ADGRL2: variants seen among roughly 807,000 people sequenced by gnomAD.
ADGRL2 encodes the protein calcium-independent alpha-latrotoxin receptor 2.
ADGRL2 carries 44 observed loss-of-function variants against 157.4 expected under a neutral mutation model. The ratio of observed to expected loss-of-function variants is 0.28; its 90% CI spans 0.22 to 0.36. ADGRL2 has a LOEUF of 0.36. Ranked by LOEUF, ADGRL2 falls within the 10% of genes least tolerant of loss-of-function variation. The pLI, the probability that ADGRL2 is intolerant of heterozygous loss-of-function variation, is 1.00. For missense variants in ADGRL2, 1,510 were observed against 1,768.9 expected (o/e 0.85, Z 2.63); for synonymous variants, 585 against 624.7 (o/e 0.94, Z 0.95).
intron 1 of ADGRL2, among the ~76,000 whole-genome samples, chr1:81,307,200 G>T (rs1042078608): frequency 5.9e-5 from 9 of 152,136 alleles, no homozygotes; most frequent in Admixed American, 5.9e-4. Flanking sequence ...CTGAATGTTT[G>T]TATAACACTG....
intron 18 of ADGRL2, chr1:81,980,839 G>A (rs371915190): frequency 9.9e-6 from 7 of 707,704 alleles, no homozygotes; most frequent in Non-Finnish European, 1.9e-5. Flanking sequence ...GACTTACCTG[G>A]GTAAGGTAGA....
At chr1:81,870,922 T>G (rs2093673916) in intron 2 of ADGRL2, among the ~76,000 whole-genome samples, 1 of 149,094 alleles carries the variant, frequency 6.7e-6, no homozygotes, top group Non-Finnish European at 1.5e-5. Context: ...TTTTTTTTTT[T>G]GAAGATTTTT....
chr1:81,368,285 T>C (rs2076101350), intron 1 of ADGRL2, among the ~76,000 whole-genome samples: 1 of 152,206 alleles, frequency 6.6e-6, no homozygotes, highest in South Asian at 2.1e-4. Context: ...ACCAGTGATG[T>C]TGATCTTTTT....
chr1:81,746,884 A>T (rs957285632), intron 1 of ADGRL2, among the ~76,000 whole-genome samples: 1 of 150,564 alleles, frequency 6.6e-6, no homozygotes, highest in Non-Finnish European at 1.5e-5. Flanking sequence ...ACACACGTGC[A>T]CACGTATACA....
rs371775313 is a variant in ADGRL2 at position 81,748,743 on chromosome 1, G to T, written c.-142-13068G>T. Among the ~76,000 whole-genome samples, 5 of 151,616 alleles carry T rather than the reference G, an allele frequency of 3.3e-5. No individual in the cohort carries two copies. The South Asian group carries it at 1.0e-3, about 32-fold the overall frequency. ...GGTGCAGTGGCATGATCTCGGCTCA[G>T]TGCAACCTCCACCTCCCGGGTTCAA... On this transcript the variant is annotated intron_variant, in intron 1 of 20. Transcript: ENST00000359929.
chr1:81,600,207 G>C (rs1400573427), intron 3 of ADGRL2, among the ~76,000 whole-genome samples: 1 of 152,184 alleles, frequency 6.6e-6, no homozygotes. Flanking sequence ...TACCATTAAA[G>C]GCACATGTGC....
At chr1:81,951,506 G>A (rs963990263) in intron 8 of ADGRL2, among the ~76,000 whole-genome samples, 1 of 152,004 alleles carries the variant, frequency 6.6e-6, no homozygotes. Flanking sequence ...TACTTTAAAA[G>A]GCATTAGTAA....
intron 3 of ADGRL2, among the ~76,000 whole-genome samples, chr1:81,677,517 T>C (rs2083021856): frequency 6.6e-6 from 1 of 152,204 alleles, no homozygotes; most frequent in South Asian, 2.1e-4. Context: ...GATAGTAATA[T>C]TTTCCCTTAG....
At chr1:81,974,770 A>G (rs955364594) in intron 17 of ADGRL2, among the ~76,000 whole-genome samples, 4 of 152,028 alleles carry the variant, frequency 2.6e-5, no homozygotes, top group African/African-American at 9.7e-5. Flanking sequence ...AATCTGTGGT[A>G]CCTTTTTCTT....
At chr1:81,987,411 A>AATTATCTTC in intron 22 of ADGRL2, 5 of 940,538 alleles carry the variant, frequency 5.3e-6, no homozygotes, top group Non-Finnish European at 8.8e-6. Context: ...TTCTGGAATG[A>AATTATCTTC]ATTAGCTAAT....
chr1:81,536,847 T>C (rs1223123485), intron 2 of ADGRL2, among the ~76,000 whole-genome samples: 1 of 152,200 alleles, frequency 6.6e-6, no homozygotes, highest in African/African-American at 2.4e-5. Flanking sequence ...TAGCTAAGTG[T>C]TTAGTGAGTG....
intron 2 of ADGRL2, among the ~76,000 whole-genome samples, chr1:81,875,593 A>T (rs2093818070): frequency 6.6e-6 from 1 of 152,126 alleles, no homozygotes; most frequent in Non-Finnish European, 1.5e-5. Flanking sequence ...TACTTGTGTA[A>T]ATTTGGAACA....
chr1:81,791,760 A>C (rs1206735104), intron 2 of ADGRL2, among the ~76,000 whole-genome samples: 1 of 152,170 alleles, frequency 6.6e-6, no homozygotes, highest in Non-Finnish European at 1.5e-5. Flanking sequence ...ACTTGTCATA[A>C]ATTTATTCTA....
rs1297053881 is a variant in ADGRL2, at chr1:81,426,516, C to T, written c.-301-18520C>T. 4 of 411,912 alleles carry T rather than the reference C, an allele frequency of 9.7e-6. No homozygotes were observed. The East Asian group carries it at 2.1e-4, about 21-fold the overall frequency. 25.5% of individuals were successfully genotyped at this position (411,912 alleles called of 1,614,324 possible). A position where few individuals can be genotyped will look rare whatever the true frequency, so the allele number is the denominator to read the frequency against. ...CCAATTCCAGCTGTGACCGTCACCGCCGGGAGCAGAGGATCATGATCCAAA... is the reference window on the plus strand; with the variant it reads ...CCAATTCCAGCTGTGACCGTCACCGTCGGGAGCAGAGGATCATGATCCAAA... On this transcript the variant is annotated intron_variant, in intron 1 of 24. Coordinates refer to the ADGRL2 transcript ENST00000370721.
chr1:81,936,471 A>G (rs2095312215), intron 3 of ADGRL2, among the ~76,000 whole-genome samples: 2 of 151,914 alleles, frequency 1.3e-5, no homozygotes, highest in South Asian at 4.1e-4. Flanking sequence ...ATGTATAACA[A>G]TGATAGGAAA....
intron 3 of ADGRL2, among the ~76,000 whole-genome samples, chr1:81,660,992 A>G (rs886909140): frequency 3.3e-5 from 5 of 152,206 alleles, no homozygotes; most frequent in African/African-American, 1.2e-4. Context: ...AAGGGCTGAA[A>G]GTTGCCCAGT....
chr1:81,990,345 G>A (rs771799927), intron 23 of ADGRL2, 46 bp from the exon 24 acceptor site: 36 of 1,567,454 alleles, frequency 2.3e-5, no homozygotes, highest in Non-Finnish European at 2.9e-5. Flanking sequence ...AGTTTCTGTG[G>A]AAAGGAACAG....
chr1:81,570,001 T>C (rs1228934236), intron 2 of ADGRL2, among the ~76,000 whole-genome samples: 1 of 152,080 alleles, frequency 6.6e-6, no homozygotes, highest in Non-Finnish European at 1.5e-5. Context: ...CATGGACCCT[T>C]CCAAAGAGCT....
At chr1:81,349,099 A>G (rs2100819559) in intron 1 of ADGRL2, among the ~76,000 whole-genome samples, 1 of 152,206 alleles carries the variant, frequency 6.6e-6, no homozygotes, top group South Asian at 2.1e-4. Flanking sequence ...ATAACTATTG[A>G]TTGTTTTGGA....
Sources: gnomAD v4.1 joint callset for allele counts (sites outside exome capture counted in the v4.1 genomes callset) on GRCh38, gnomAD v4.1.1 for gene constraint, MANE v1.5 for transcripts, NCBI Gene and HGNC (gene_info 2026-07-23, HGNC 2026-07-21) for gene names.